PRSS12: variants seen among roughly 807,000 people sequenced by gnomAD.
The protein encoded by PRSS12 is serine protease 12.
PRSS12 carries 85 observed loss-of-function variants against 104.4 expected under a neutral mutation model. That is an observed-to-expected ratio of 0.81 (90% CI 0.68 to 0.98). The LOEUF is 0.98. Ranked by LOEUF, PRSS12 falls within the 50% of genes least tolerant of loss-of-function variation. PRSS12 has a pLI of 0.00. For missense variants in PRSS12, 1,141 were observed against 1,139.2 expected (o/e 1.00, Z -0.02); for synonymous variants, 454 against 425.2 (o/e 1.07, Z -0.83).
intron 11 of PRSS12, among the ~76,000 whole-genome samples, chr4:118,289,581 G>A (rs1743086261): frequency 6.6e-6 from 1 of 152,158 alleles, no homozygotes; most frequent in Non-Finnish European, 1.5e-5. Flanking sequence ...GCAAATTTCA[G>A]TGTTTCTGAT....
At chr4:118,295,954 A>G in intron 9 of PRSS12, 98 bp from the exon 10 acceptor site, 1 of 1,126,806 alleles carries the variant, frequency 8.9e-7, no homozygotes, top group Non-Finnish European at 1.3e-6. Context: ...CCTCTATGTC[A>G]AAATCCCTTT....
chr4:118,334,886 G>A (rs1218673898), intron 3 of PRSS12, among the ~76,000 whole-genome samples: 1 of 152,106 alleles, frequency 6.6e-6, no homozygotes, highest in African/African-American at 2.4e-5. Flanking sequence ...CCATCTTAAA[G>A]GCAGTTGTTC....
chr4:118,299,032 A>G (rs989247573), intron 8 of PRSS12, 94 bp from the exon 9 acceptor site: 19 of 1,384,342 alleles, frequency 1.4e-5, no homozygotes, highest in Non-Finnish European at 1.8e-5. Flanking sequence ...CTTAATTTTT[A>G]CATATTAAAA....
intron 1 of PRSS12, among the ~76,000 whole-genome samples, chr4:118,340,703 A>G (rs1560786164): frequency 2.0e-5 from 3 of 152,232 alleles, no homozygotes; most frequent in Non-Finnish European, 4.4e-5. Flanking sequence ...GCATACTATT[A>G]GGATAAAAGG....
chr4:118,318,346 G>A (rs1194495807), intron 5 of PRSS12, 32 bp downstream of exon 5: 5 of 1,609,946 alleles, frequency 3.1e-6, no homozygotes, highest in Admixed American at 1.7e-5. Flanking sequence ...CTGGGGGCAA[G>A]AACTGGTACA....
At chr4:118,337,273 T>A (rs1055033539) in intron 2 of PRSS12, among the ~76,000 whole-genome samples, 2 of 152,200 alleles carry the variant, frequency 1.3e-5, no homozygotes, top group Admixed American at 6.5e-5. Context: ...TGTATTTTTT[T>A]AATAACAAAA....
chr4:118,320,087 G>A (rs1318904096), intron 4 of PRSS12, among the ~76,000 whole-genome samples: 1 of 152,160 alleles, frequency 6.6e-6, no homozygotes, highest in Non-Finnish European at 1.5e-5. Flanking sequence ...AGATTTAAGT[G>A]AAGATCACAA....
At chr4:118,345,738 T>TA (rs1177566735) in intron 1 of PRSS12, among the ~76,000 whole-genome samples, 59 of 151,454 alleles carry the variant, frequency 3.9e-4, no homozygotes, top group Admixed American at 3.4e-3. Context: ...CAGATATGAC[T>TA]AAAAAAAAAT....
intron 2 of PRSS12, 25 bp from the exon 3 acceptor site, chr4:118,335,676 G>A (rs961655367): frequency 1.8e-5 from 29 of 1,611,002 alleles, no homozygotes; most frequent in Non-Finnish European, 2.3e-5. Flanking sequence ...AGCGATATTA[G>A]GTTTATCAAA....
chr4:118,344,009 A>G (rs950369376), intron 1 of PRSS12, among the ~76,000 whole-genome samples: 1 of 152,200 alleles, frequency 6.6e-6, no homozygotes, highest in African/African-American at 2.4e-5. Flanking sequence ...TTACAGATGC[A>G]TAAAATAATT....
intron 12 of PRSS12, 127 bp from the exon 13 acceptor site, chr4:118,282,370 A>C (rs866516662): frequency 8.3e-7 from 1 of 1,210,882 alleles, no homozygotes; most frequent in Non-Finnish European, 1.2e-6. Context: ...TAAAATGAGC[A>C]ATGACTAACT....
At position 118,308,140 on chromosome 4, in the gene PRSS12, T is replaced by C. The variant is rs185524024; in HGVS notation, c.1631+296A>G. On this transcript the variant is annotated intron_variant, in intron 8 of 12. Coordinates refer to ENST00000296498, the MANE Select transcript of PRSS12 (RefSeq NM_003619.4). ...TGAAACATCAATCACAGAGAAAAGG[T>C]TAACTGACAGAAGCTGATACAAGCT... is the stretch of plus-strand genomic sequence containing the variant. Among the ~76,000 whole-genome samples the C allele has an allele frequency of 1.3e-3, 205 of 152,282 alleles. 1 individual carries two copies. Among genetic ancestry groups the C allele is most frequent in the African/African-American group, 4.7e-3 (194 of 41,552 alleles).
chr4:118,299,838 A>C (rs2126029471), intron 8 of PRSS12, among the ~76,000 whole-genome samples: 1 of 145,264 alleles, frequency 6.9e-6, no homozygotes, highest in East Asian at 2.0e-4. Flanking sequence ...AAAATAAAAT[A>C]AAATAAATTA....
chr4:118,308,530 C>T lies in PRSS12; in HGVS notation c.1537G>A (p.Val513Met). The change falls in exon 8 of 13, where the codon GTG becomes ATG. Residue 513 changes from valine (V) to methionine (M), a missense_variant. Val to Met is a conservative substitution (Grantham distance 21). Transcript: ENST00000296498. ...MDGENKKEGR[V>M]EVFINGQWGT... Reference sequence around the variant, plus strand: ...CACTGGCCATTGATAAAAACCTCCACTCGTCCTTCTTTCTTATTTTCTCCA... The same window carrying T: ...CACTGGCCATTGATAAAAACCTCCATTCGTCCTTCTTTCTTATTTTCTCCA... 1 of 1,614,032 alleles carries T rather than the reference C, an allele frequency of 6.2e-7. No homozygotes were observed. The highest frequency in any genetic ancestry group is 8.5e-7 in the Non-Finnish European group (1 of 1,179,936).
chr4:118,335,641 T>A lies in PRSS12; in HGVS notation c.652A>T (p.Ile218Leu). The change falls in exon 3 of 13, where the codon ATA (isoleucine) becomes TTA (leucine). Residue 218 changes from isoleucine (I) to leucine (L), a missense_variant. Ile to Leu is a conservative substitution (Grantham distance 5, BLOSUM62 2). Coordinates refer to ENST00000296498, the MANE Select transcript of PRSS12 (RefSeq NM_003619.4). ...CCAGAAAACGGGGTTTGTTTTGCTA[T>A]TCCTTTTCCTCTGGAAGTACAATGA... is the stretch of plus-strand genomic sequence containing the variant. ...CHQLQLGGKGIAKQTPFSGLG... is the reference protein window; with the variant it reads ...CHQLQLGGKGLAKQTPFSGLG... 3 of 1,613,992 alleles carry A rather than the reference T, an allele frequency of 1.9e-6. No homozygotes were observed. The highest frequency in any genetic ancestry group is 2.5e-6 in the Non-Finnish European group (3 of 1,179,890).
At chr4:118,323,055 A>T (rs1394631807) in intron 4 of PRSS12, among the ~76,000 whole-genome samples, 1 of 152,108 alleles carries the variant, frequency 6.6e-6, no homozygotes, top group African/African-American at 2.4e-5. Context: ...CTTTCATGCT[A>T]CAATGGCCCA....
chr4:118,282,150 C>A lies in PRSS12; in HGVS notation c.2414G>T (p.Arg805Ile), dbSNP rs1476828139. ...EERYKGRFTG[R>I]MLCAGNLHEH... ...ATGGAGGTTTCCAGCACAAAGCATT[C>A]TCCCTGTAAACCGACCCTTATAACG... Residue 805 changes from arginine to isoleucine, a missense_variant, in exon 13 of 13, where the codon AGA becomes ATA. Arg to Ile is a moderately conservative substitution (Grantham distance 97, BLOSUM62 -3). Coordinates refer to ENST00000296498, the MANE Select transcript of PRSS12 (RefSeq NM_003619.4). 5 of 1,614,110 alleles carry A rather than the reference C, an allele frequency of 3.1e-6. No homozygotes were observed. Among genetic ancestry groups the A allele is most frequent in the Non-Finnish European group, 4.2e-6 (5 of 1,180,052 alleles).
chr4:118,307,974 G>A (rs1437940843), intron 8 of PRSS12, among the ~76,000 whole-genome samples: 1 of 152,152 alleles, frequency 6.6e-6, no homozygotes, highest in Non-Finnish European at 1.5e-5. Context: ...GAAACAAGAA[G>A]GGAGAGCAGT....
chr4:118,290,113 C>T (rs1039385979), intron 11 of PRSS12, among the ~76,000 whole-genome samples: 2 of 152,132 alleles, frequency 1.3e-5, no homozygotes, highest in African/African-American at 4.8e-5. Context: ...ATACAGTAGA[C>T]ACTTGGTGTA....
Sources: gnomAD v4.1 joint callset for allele counts (sites outside exome capture counted in the v4.1 genomes callset) on GRCh38, gnomAD v4.1.1 for gene constraint, MANE v1.5 for transcripts, NCBI Gene and HGNC (gene_info 2026-07-23, HGNC 2026-07-21) for gene names.